Variants in SLC35H1 observed in about 807,000 individuals in gnomAD.
SLC35H1 encodes ovarian cancer-overexpressed gene 1 protein.
the SLC35H1 span, among the ~76,000 whole-genome samples, chr20:46,356,865 C>T: frequency 2.0e-5 from 3 of 152,328 alleles, no homozygotes; most frequent in Non-Finnish European, 2.9e-5. Context: ...CTGGCTGGGC[C>T]GGTATGGTTT....
the SLC35H1 span, among the ~76,000 whole-genome samples, chr20:46,363,457 C>T: frequency 6.6e-6 from 1 of 152,196 alleles, no homozygotes. Context: ...CTCACGCTCC[C>T]AATCTATCCC....
At chr20:46,351,997 AC>A in the SLC35H1 span, 3 of 1,577,570 alleles carry the variant, frequency 1.9e-6, no homozygotes, top group East Asian at 6.8e-5. Flanking sequence ...CTGGTGAGAA[AC>A]CCCTGGGGGC....
the SLC35H1 span, chr20:46,358,260 C>T: frequency 1.1e-6 from 1 of 902,542 alleles, no homozygotes; most frequent in Non-Finnish European, 1.8e-6. Context: ...TGTTCCAGCC[C>T]AGCCGTGACT....
At chr20:46,356,998 G>A in the SLC35H1 span, among the ~76,000 whole-genome samples, 1 of 152,060 alleles carries the variant, frequency 6.6e-6, no homozygotes, top group African/African-American at 2.4e-5. Flanking sequence ...CGGCCTCCAG[G>A]ACATGACCCC....
At chr20:46,358,332 C>T in the SLC35H1 span, 40 of 1,502,852 alleles carry the variant, frequency 2.7e-5, no homozygotes, top group Non-Finnish European at 3.5e-5. Context: ...GCACCGTAGC[C>T]ATGGCTCTGG....
chr20:46,351,178 G>A, the SLC35H1 span, among the ~76,000 whole-genome samples: 8 of 152,364 alleles, frequency 5.3e-5, no homozygotes, highest in South Asian at 4.1e-4. Flanking sequence ...TCCAGATCGC[G>A]CCTTATCCAC....
At chr20:46,361,913 C>T in the SLC35H1 span, among the ~76,000 whole-genome samples, 1 of 152,214 alleles carries the variant, frequency 6.6e-6, no homozygotes, top group Non-Finnish European at 1.5e-5. Flanking sequence ...TCTTGCAGCT[C>T]CTGCTTTTGC....
chr20:46,360,157 C>T, the SLC35H1 span, among the ~76,000 whole-genome samples: 1 of 152,146 alleles, frequency 6.6e-6, no homozygotes, highest in South Asian at 2.1e-4. Context: ...ATTATCTGAA[C>T]CTAGAATGTA....
chr20:46,356,546 G>C, the SLC35H1 span: 5 of 1,612,596 alleles, frequency 3.1e-6, no homozygotes, highest in Non-Finnish European at 4.2e-6. Flanking sequence ...AGCCTGAAGG[G>C]AGGCAGCAGG....
chr20:46,358,364 G>GC, the SLC35H1 span: 1 of 1,606,614 alleles, frequency 6.2e-7, no homozygotes, highest in African/African-American at 1.3e-5. Flanking sequence ...CCAGCACCCC[G>GC]CCCCAGCAAG....
At chr20:46,363,747 C>T in the SLC35H1 span, among the ~76,000 whole-genome samples, 3 of 152,208 alleles carry the variant, frequency 2.0e-5, no homozygotes, top group African/African-American at 7.2e-5. Flanking sequence ...TATAAAGCAG[C>T]CAGAGAGATG....
chr20:46,357,876 G>A, the SLC35H1 span: 4 of 1,340,500 alleles, frequency 3.0e-6, no homozygotes, highest in Non-Finnish European at 4.1e-6. Flanking sequence ...GGCTCATTCG[G>A]TGGTTCATGA....
chr20:46,350,662 G>C, the SLC35H1 span: 1 of 1,449,522 alleles, frequency 6.9e-7, no homozygotes, highest in Non-Finnish European at 9.3e-7. Context: ...GAGGAGTGAC[G>C]GCAGCAGAGC....
chr20:46,351,359 C>A, the SLC35H1 span, among the ~76,000 whole-genome samples: 1 of 152,230 alleles, frequency 6.6e-6, no homozygotes, highest in Non-Finnish European at 1.5e-5. Flanking sequence ...CACAGCCATG[C>A]CTCAGCATGC....
chr20:46,355,257 G>A, the SLC35H1 span: 13 of 1,606,896 alleles, frequency 8.1e-6, no homozygotes, highest in South Asian at 1.2e-4. The surrounding 1 kb of genome is among the most constrained non-coding windows in gnomAD (Gnocchi z 4.8). Flanking sequence ...AGGATGGGGA[G>A]CAGTGGCAGC....
the SLC35H1 span, chr20:46,354,764 G>C: frequency 1.1e-6 from 1 of 900,446 alleles, no homozygotes; most frequent in Non-Finnish European, 1.7e-6. Context: ...TGCGCTTCCA[G>C]GGGAGGGACT....
the SLC35H1 span, chr20:46,356,627 C>T: frequency 8.7e-6 from 14 of 1,613,872 alleles, no homozygotes; most frequent in South Asian, 5.5e-5. Context: ...CGTCAAGCGC[C>T]GTCGCCAGAG....
the SLC35H1 span, among the ~76,000 whole-genome samples, chr20:46,357,940 C>A: frequency 6.6e-6 from 1 of 152,084 alleles, no homozygotes; most frequent in Non-Finnish European, 1.5e-5. Context: ...CTTGGAATGA[C>A]AGACTCTTAG....
chr20:46,358,392 T>C, the SLC35H1 span: 1 of 1,614,104 alleles, frequency 6.2e-7, no homozygotes, highest in East Asian at 2.2e-5. Flanking sequence ...GGTACCTTTG[T>C]CAGCCACTTG....
Sources: gnomAD v4.1 joint callset for allele counts (sites outside exome capture counted in the v4.1 genomes callset) on GRCh38, gnomAD v4.1.1 for gene constraint, Gnocchi (gnomAD v3.1) non-coding constraint, MANE v1.5 for transcripts, NCBI Gene and HGNC (gene_info 2026-07-23, HGNC 2026-07-21) for gene names.